ACSBG1: variants seen among roughly 807,000 people sequenced by gnomAD.
ACSBG1 encodes the protein acyl-CoA synthetase bubblegum family member 1.
In ACSBG1, 39 loss-of-function variants were observed where a neutral mutation model predicts 80.2. The ratio of observed to expected loss-of-function variants is 0.49; its 90% CI spans 0.38 to 0.64. The LOEUF is 0.64. Among genes scored for constraint, ACSBG1 ranks in the 30% least tolerant of loss-of-function variants. The pLI, the probability that ACSBG1 is intolerant of heterozygous loss-of-function variation, is 0.00. For synonymous variants in ACSBG1, 392 were observed against 379.5 expected (o/e 1.03, Z -0.38); for missense variants, 828 against 966.4 (o/e 0.86, Z 1.90).
At chr15:78,217,856 G>A (rs1417025526) in intron 1 of ACSBG1, among the ~76,000 whole-genome samples, 6 of 152,018 alleles carry the variant, frequency 3.9e-5, no homozygotes, top group Non-Finnish European at 5.9e-5. Flanking sequence ...GTGAGCCACC[G>A]CACCCGGCCT....
chr15:78,223,426 A>G (rs2075375089), intron 1 of ACSBG1, among the ~76,000 whole-genome samples: 1 of 151,944 alleles, frequency 6.6e-6, no homozygotes. Context: ...CACATGTACC[A>G]CAAAACCAAA....
chr15:78,178,651 G>C lies in ACSBG1; in HGVS notation c.1665C>G (p.Asp555Glu). The C allele has an allele frequency of 1.2e-6, 2 of 1,613,728 alleles. No individual in the cohort carries two copies. Among genetic ancestry groups the C allele is most frequent in the Non-Finnish European group, 1.7e-6 (2 of 1,179,928 alleles). ...WLHTGDAGRLDADGFLYITGR... is the reference protein window; with the variant it reads ...WLHTGDAGRLEADGFLYITGR... ...CAGTGATGTAGAGGAAGCCATCGGCGTCCAGGCGGCCAGCATCACCCGTGT... is the reference window on the plus strand; with the variant it reads ...CAGTGATGTAGAGGAAGCCATCGGCCTCCAGGCGGCCAGCATCACCCGTGT... The change falls in exon 11 of 14, where the codon GAC becomes GAG. Residue 555 changes from aspartate to glutamate, a missense_variant. Physicochemically the swap from Asp to Glu is conservative, Grantham distance 45. Transcript: ENST00000258873. The surrounding 1 kb of genome is among the most constrained non-coding windows in gnomAD (Gnocchi z 4.3).
intron 2 of ACSBG1, among the ~76,000 whole-genome samples, chr15:78,200,710 G>A (rs1048909807): frequency 6.6e-6 from 1 of 152,078 alleles, no homozygotes; most frequent in African/African-American, 2.4e-5. Context: ...CATGCCTCCC[G>A]CCAAGTCCTG....
intron 1 of ACSBG1, among the ~76,000 whole-genome samples, chr15:78,233,978 A>G (rs1322570893): frequency 1.3e-5 from 2 of 152,252 alleles, no homozygotes; most frequent in African/African-American, 2.4e-5. Context: ...AAGGTCACGC[A>G]GCAAACTGGA....
intron 13 of ACSBG1, 52 bp downstream of exon 13, chr15:78,173,541 T>G: frequency 6.3e-7 from 1 of 1,595,544 alleles, no homozygotes. Context: ...GGCACTGCCA[T>G]GGCCTCTGCC....
At position 78,215,175 on chromosome 15, in the gene ACSBG1, C is replaced by A. The variant is rs1298563202; in HGVS notation, c.132-7073G>T. Among the ~76,000 whole-genome samples, 5 of 152,158 alleles carry A rather than the reference C, an allele frequency of 3.3e-5. No individual in the cohort carries two copies. The East Asian group carries it at 9.6e-4, about 29-fold the overall frequency. ...AAAGGAATTCAGACCTCTCCTTTGT[C>A]CTGAAGAGCTAAAGATGAACTTGTT... On this transcript the variant is annotated intron_variant, in intron 1 of 13. Coordinates refer to ENST00000258873, the MANE Select transcript of ACSBG1 (RefSeq NM_015162.5).
chr15:78,197,719 T>TA (rs746712543), intron 2 of ACSBG1, among the ~76,000 whole-genome samples: 2,092 of 103,312 alleles, frequency 0.02, 71 homozygotes, highest in African/African-American at 0.067. Context: ...ACTCTGTCTT[T>TA]AAAAAAAAAA....
chr15:78,196,898 T>G (rs558909939), intron 2 of ACSBG1, among the ~76,000 whole-genome samples: 5 of 148,050 alleles, frequency 3.4e-5, no homozygotes, highest in Admixed American at 6.7e-5. Context: ...AGACCCTATC[T>G]CTAAAAAAAA....
intron 1 of ACSBG1, among the ~76,000 whole-genome samples, chr15:78,215,206 T>C (rs1339540876): frequency 6.6e-6 from 1 of 152,168 alleles, no homozygotes; most frequent in African/African-American, 2.4e-5. Context: ...TTGTTTCTCT[T>C]CTCCTCCTCC....
At chr15:78,197,061 C>T (rs1218638825) in intron 2 of ACSBG1, among the ~76,000 whole-genome samples, 1 of 150,386 alleles carries the variant, frequency 6.6e-6, no homozygotes, top group East Asian at 1.9e-4. Flanking sequence ...GAGACCCAGC[C>T]TCAGAAAAAA....
chr15:78,227,252 A>T (rs1288210174), intron 1 of ACSBG1, among the ~76,000 whole-genome samples: 2 of 150,708 alleles, frequency 1.3e-5, no homozygotes, highest in Admixed American at 6.6e-5. Flanking sequence ...AAAGATACAC[A>T]ATTAATAAAA....
At position 78,167,740 on chromosome 15, in the gene ACSBG1, T is replaced by C; in HGVS notation, c.*3704A>G. 6.6e-6 allele frequency: 1 copy of C among 152,210 alleles called. No homozygotes were observed. The highest frequency in any genetic ancestry group is 1.9e-4 in the East Asian group (1 of 5,190). 9.4% of individuals were successfully genotyped at this position (152,210 alleles called of 1,614,324 possible). On this transcript the variant is annotated 3_prime_UTR_variant, in exon 14 of 14. Coordinates refer to ENST00000258873, the MANE Select transcript of ACSBG1 (RefSeq NM_015162.5). ...GAATTTGACTACTCTAGGTACCTCA[T>C]GTAAGTGGAATCATACAGTATTTGT...
At position 78,178,804 on chromosome 15, in the gene ACSBG1, C is replaced by T; in HGVS notation, c.1512G>A (p.Arg504=). The T allele has an allele frequency of 1.2e-6, 2 of 1,613,188 alleles. No individual in the cohort carries two copies. Among genetic ancestry groups the T allele is most frequent in the South Asian group, 1.1e-5 (1 of 91,064 alleles). Reference sequence around the variant, plus strand: ...CTGCGTCCTGGTTCACCAGCTTCACCCGACAGCCGGGCACCAACTTGCCTG... The same window carrying T: ...CTGCGTCCTGGTTCACCAGCTTCACTCGACAGCCGGGCACCAACTTGCCTG... ...YSSGKLVPGC[R]VKLVNQDAEG... The change falls in exon 11 of 14, where the codon CGG becomes CGA. Residue 504 remains arginine, a synonymous_variant. Coordinates refer to ENST00000258873, the MANE Select transcript of ACSBG1 (RefSeq NM_015162.5). This position sits in a 1 kb window ranked among gnomAD's most constrained non-coding sequence, Gnocchi z 4.3.
rs553843575 is a variant in ACSBG1, at chr15:78,212,668, C to T, written c.132-4566G>A. On this transcript the variant is annotated intron_variant, in intron 1 of 13. Transcript: ENST00000258873. ...AGCCAGAACCTCAGAGAACATGTCA[C>T]GGAGTCCCCCCGGGAGAGCCACAGC... is the stretch of plus-strand genomic sequence containing the variant. The T allele has an allele frequency of 1.3e-4, 59 of 450,678 alleles. No homozygotes were observed. The East Asian group carries it at 2.0e-3, about 16-fold the overall frequency. 27.9% of individuals were successfully genotyped at this position (450,678 alleles called of 1,614,324 possible).
chr15:78,194,421 G>T, intron 3 of ACSBG1, 85 bp downstream of exon 3: 1 of 1,274,396 alleles, frequency 7.8e-7, no homozygotes, highest in Non-Finnish European at 1.1e-6. Context: ...TGCCCAGTGG[G>T]CAGTTGGAGA....
At chr15:78,171,737 G>GTATAA in intron 13 of ACSBG1, 1 of 496,300 alleles carries the variant, frequency 2.0e-6, no homozygotes, top group Non-Finnish European at 3.6e-6. Context: ...ACTGGTTGTG[G>GTATAA]CCAGTGGAGT....
chr15:78,217,532 C>T (rs980730529), intron 1 of ACSBG1, among the ~76,000 whole-genome samples: 2 of 151,912 alleles, frequency 1.3e-5, no homozygotes, highest in African/African-American at 4.8e-5. Flanking sequence ...TAAACCCCTG[C>T]ATCCACCATT....
rs2075079309 is a variant in ACSBG1, at chr15:78,193,627, C to T, written c.543-1G>A. The stretch of plus-strand genomic sequence containing the variant: ...GGTGTAGATGCCAGTGACGATGCCA[C>T]TGTAGGAGACCCAGGAAGATTCACC... On this transcript the variant is annotated splice_acceptor_variant, in intron 4 of 13. Coordinates refer to ENST00000258873, the MANE Select transcript of ACSBG1 (RefSeq NM_015162.5). LOFTEE classifies it high-confidence loss of function. The T allele has an allele frequency of 6.2e-7, 1 of 1,611,524 alleles. No individual in the cohort carries two copies. The highest frequency in any genetic ancestry group is 8.5e-7 in the Non-Finnish European group (1 of 1,178,820).
At position 78,180,915 on chromosome 15, in the gene ACSBG1, G is replaced by A. The variant is rs751633265; in HGVS notation, c.1093C>T (p.Arg365Trp). The A allele has an allele frequency of 8.1e-6, 13 of 1,614,066 alleles. No homozygotes were observed. The highest frequency in any genetic ancestry group is 2.7e-5 in the African/African-American group (2 of 75,046). ...ALKGSLVNTL[R>W]EVEPTSHMGV... ...ATGTGTGATGTGGGCTCCACCTCCC[G>A]CAGCGTGTTCACCAGGCTCCCCTGT... The change falls in exon 9 of 14, where the codon CGG becomes TGG. Residue 365 changes from arginine to tryptophan, a missense_variant. By Grantham distance (101) the Arg-to-Trp change is moderately radical. Around this residue, in one of 3 missense-constraint regions of ACSBG1, gnomAD observed 271 missense variants for 375.9 expected, o/e 0.72. Coordinates refer to ENST00000258873, the MANE Select transcript of ACSBG1 (RefSeq NM_015162.5).
Sources: allele counts gnomAD v4.1 joint callset (sites outside exome capture counted in the v4.1 genomes callset), GRCh38; gene constraint gnomAD v4.1.1; regional missense constraint gnomAD v4.1.1; non-coding constraint Gnocchi (gnomAD v3.1); transcripts MANE v1.5; gene names NCBI Gene and HGNC (gene_info 2026-07-23, HGNC 2026-07-21).